Variants in FAS observed in about 807,000 individuals in gnomAD.
FAS encodes tumor necrosis factor receptor superfamily member 6.
Under a neutral mutation model 33.2 loss-of-function variants are expected in FAS, and 5 were observed. The ratio of observed to expected loss-of-function variants is 0.15; its 90% confidence interval spans 0.08 to 0.32. FAS has a LOEUF of 0.32. Ranked by LOEUF, FAS falls within the 10% of genes least tolerant of loss-of-function variation. The probability of loss-of-function intolerance (pLI) is 1.00; values close to 1 mark genes in which losing one functional copy is unlikely to be tolerated. For missense variants in FAS, 339 were observed against 386.0 expected (o/e 0.88, Z 1.02); for synonymous variants, 131 against 130.7 (o/e 1.00, Z -0.01).
intron 2 of FAS, among the ~76,000 whole-genome samples, chr10:88,981,052 AG>A (rs1846698380): frequency 6.6e-6 from 1 of 152,194 alleles, no homozygotes; most frequent in South Asian, 2.1e-4. Flanking sequence ...GAGTAGGAAC[AG>A]GGCATGGGGA....
At chr10:89,012,458 G>GTGAGCCATCACATCCGGCCTGTTA (rs1848580448) in intron 7 of FAS, 1 of 254,842 alleles carries the variant, frequency 3.9e-6, no homozygotes, top group Admixed American at 5.1e-5. Flanking sequence ...GATTATAGGT[G>GTGAGCCATCACATCCGGCCTGTTA]TGAGCCATCA....
At chr10:89,001,263 CTT>C (rs10600180) in intron 1 of FAS, among the ~76,000 whole-genome samples, 47,721 of 141,918 alleles carry the variant, frequency 0.34, 8,182 homozygotes, top group East Asian at 0.49. Context: ...CACTGAATGC[CTT>C]TTTTTTTTTT....
intron 1 of FAS, among the ~76,000 whole-genome samples, chr10:88,999,758 T>G (rs1847823251): frequency 6.6e-6 from 1 of 152,208 alleles, no homozygotes; most frequent in African/African-American, 2.4e-5. Context: ...TCCTAAATTA[T>G]GAGGTACTTT....
chr10:89,004,728 C>T (rs1366098600), intron 2 of FAS, among the ~76,000 whole-genome samples: 1 of 152,072 alleles, frequency 6.6e-6, no homozygotes, highest in Non-Finnish European at 1.5e-5. Flanking sequence ...ATATAATCCT[C>T]AATTATATAA....
Position 88,980,216 on chromosome 10 carries a change from T to C in FAS, n.260+6869T>C, listed in dbSNP as rs554267774. Among the ~76,000 whole-genome samples the C allele has an allele frequency of 3.3e-5, 5 of 152,018 alleles. No individual in the cohort carries two copies. The East Asian group carries it at 9.8e-4, about 30-fold the overall frequency. On this transcript the variant is annotated intron_variant and non_coding_transcript_variant, in intron 2 of 3. Transcript: ENST00000688239. ...GTGGAACATGAGCAGGAATTAAACA[T>C]AATGCACTTTAAATGTACAACTAAG... is the stretch of plus-strand genomic sequence containing the variant.
At chr10:89,005,949 G>A (rs1848204058) in intron 2 of FAS, among the ~76,000 whole-genome samples, 4 of 152,014 alleles carry the variant, frequency 2.6e-5, no homozygotes, top group Admixed American at 2.6e-4. Flanking sequence ...TGATACATAA[G>A]TTCTTATTAT....
At position 89,013,328 on chromosome 10, in the gene FAS, T is replaced by C; in HGVS notation, c.652-15T>C. ...TTTTATTTGTCTTTCTCTGCTTCCA[T>C]TTTTTGCTTTCTAGGAAACAGTGGC... On this transcript the variant is annotated splice_polypyrimidine_tract_variant and intron_variant, in intron 7 of 8. Coordinates refer to ENST00000652046, the MANE Select transcript of FAS (RefSeq NM_000043.6). The C allele has an allele frequency of 1.2e-6, 2 of 1,609,224 alleles. No individual in the cohort carries two copies. Among genetic ancestry groups the C allele is most frequent in the Non-Finnish European group, 1.7e-6 (2 of 1,177,072 alleles).
intron 2 of FAS, among the ~76,000 whole-genome samples, chr10:88,976,963 C>T (rs1487894130): frequency 1.3e-5 from 2 of 152,172 alleles, no homozygotes; most frequent in African/African-American, 4.8e-5. Flanking sequence ...TGCCCACATT[C>T]CCCAGATTCC....
intron 1 of FAS, among the ~76,000 whole-genome samples, chr10:88,972,432 A>T (rs1846468299): frequency 6.6e-6 from 1 of 152,152 alleles, no homozygotes; most frequent in African/African-American, 2.4e-5. Context: ...TTAGTCTGTT[A>T]ATATTTAATG....
intron 2 of FAS, among the ~76,000 whole-genome samples, chr10:88,981,355 A>G (rs1003472788): frequency 4.0e-5 from 6 of 150,816 alleles, no homozygotes; most frequent in Admixed American, 6.6e-5. Flanking sequence ...TTAGCCACTT[A>G]TTAACCATCG....
upstream of FAS, among the ~76,000 whole-genome samples, chr10:88,983,309 G>A (rs926527283): frequency 1.3e-5 from 2 of 152,000 alleles, no homozygotes; most frequent in African/African-American, 2.4e-5. Context: ...AATATGACCC[G>A]GAATTTAAGA....
At chr10:88,973,965 C>T (rs1182598843) in intron 2 of FAS, 1 of 152,178 alleles carries the variant, frequency 6.6e-6, no homozygotes, top group Non-Finnish European at 1.5e-5. Context: ...CCACGCCCAG[C>T]TAATTTTTGT....
intron 2 of FAS, among the ~76,000 whole-genome samples, chr10:89,004,213 G>A (rs1317415556): frequency 6.6e-6 from 1 of 152,054 alleles, no homozygotes; most frequent in Non-Finnish European, 1.5e-5. Context: ...AATATGCTTT[G>A]CACATCAAAC....
In FAS at chr10:88,981,457, C is replaced by A. The variant is rs921855513; in HGVS notation, n.261-8012C>A. ...TTTATACTTTTTAACTATATTCACACCAGGAAAAGTTGATAGTAAATTTCA... is the reference window on the plus strand; with the variant it reads ...TTTATACTTTTTAACTATATTCACAACAGGAAAAGTTGATAGTAAATTTCA... On this transcript the variant is annotated intron_variant and non_coding_transcript_variant, in intron 2 of 3. Transcript: ENST00000688239. Among the ~76,000 whole-genome samples, 12 of 151,682 alleles carry A rather than the reference C, an allele frequency of 7.9e-5. No individual in the cohort carries two copies. The South Asian group carries it at 1.7e-3, about 21-fold the overall frequency.
intron 2 of FAS, chr10:88,973,359 A>G: frequency 2.7e-6 from 4 of 1,468,376 alleles, no homozygotes; most frequent in Non-Finnish European, 2.7e-6. Flanking sequence ...TAATCCAAGA[A>G]TTGCCAGGCG....
chr10:88,978,495 C>T (rs533300199), intron 2 of FAS, among the ~76,000 whole-genome samples: 1 of 152,288 alleles, frequency 6.6e-6, no homozygotes, highest in South Asian at 2.1e-4. Flanking sequence ...ACTGTGAATA[C>T]ATTTGTTGTA....
chr10:89,005,564 T>C (rs1294623374), intron 2 of FAS, among the ~76,000 whole-genome samples: 3 of 152,094 alleles, frequency 2.0e-5, no homozygotes, highest in Non-Finnish European at 4.4e-5. Flanking sequence ...CATGTATGTA[T>C]GTATTATATG....
At chr10:89,002,223 A>G (rs1847968689) in intron 1 of FAS, among the ~76,000 whole-genome samples, 1 of 152,354 alleles carries the variant, frequency 6.6e-6, no homozygotes, top group East Asian at 1.9e-4. Context: ...TTCTACAAAT[A>G]TGAAACAGCC....
chr10:88,976,486 A>T (rs1042669829), intron 2 of FAS, among the ~76,000 whole-genome samples: 15 of 152,256 alleles, frequency 9.9e-5, no homozygotes, highest in African/African-American at 3.6e-4. Context: ...TACATTAATT[A>T]CATTTGAATA....
Sources: allele counts gnomAD v4.1 joint callset (sites outside exome capture counted in the v4.1 genomes callset), GRCh38; gene constraint gnomAD v4.1.1; transcripts MANE v1.5; gene names NCBI Gene and HGNC (gene_info 2026-07-23, HGNC 2026-07-21).